Variants in CAMK2D observed in about 807,000 individuals in gnomAD.
CAMK2D encodes calcium/calmodulin-dependent protein kinase type II subunit delta.
Under a neutral mutation model 84.0 loss-of-function variants are expected in CAMK2D, and 37 were observed. The observed-to-expected ratio is 0.44, with a 90% CI of 0.34 to 0.58. The LOEUF (loss-of-function observed/expected upper bound fraction) is 0.58. CAMK2D is among the 20% of genes least tolerant of loss of function. The probability of loss-of-function intolerance (pLI) is 0.02; values close to 1 mark genes in which losing one functional copy is unlikely to be tolerated. For synonymous variants in CAMK2D, 202 were observed against 212.5 expected (o/e 0.95, Z 0.43); for missense variants, 448 against 652.5 (o/e 0.69, Z 3.41).
Position 113,512,924 on chromosome 4 carries a change from G to A in CAMK2D, c.946+404C>T, listed in dbSNP as rs140851439. 5.8e-3 allele frequency among the ~76,000 whole-genome samples: 878 copies of A among 152,224 alleles called. 4 individuals are homozygous for A. The highest frequency in any genetic ancestry group is 0.01 in the Middle Eastern group (3 of 294). ...ATACTAGGATTCCCTATGAAAATGA[G>A]ACCAAAAATAACTTATTCAAAGTTA... On this transcript the variant is annotated intron_variant, in intron 12 of 20. Transcript: ENST00000511664.
intron 7 of CAMK2D, among the ~76,000 whole-genome samples, chr4:113,533,067 T>C (rs1340122487): frequency 6.6e-6 from 1 of 152,102 alleles, no homozygotes; most frequent in African/African-American, 2.4e-5. Flanking sequence ...TGGCCAGAAG[T>C]ACGAAATGTT....
chr4:113,525,099 A>G (rs1304124877), intron 8 of CAMK2D, among the ~76,000 whole-genome samples: 1 of 152,234 alleles, frequency 6.6e-6, no homozygotes. Context: ...TAAACCCCAG[A>G]AAACACATCA....
At chr4:113,520,127 C>T (rs766328234) in intron 8 of CAMK2D, among the ~76,000 whole-genome samples, 7 of 94,782 alleles carry the variant, frequency 7.4e-5, no homozygotes, top group East Asian at 6.8e-4. Context: ...TGTTCTAGGC[C>T]GGGCGTGGTG....
intron 2 of CAMK2D, among the ~76,000 whole-genome samples, chr4:113,715,309 G>A (rs2099510074): frequency 6.6e-6 from 1 of 151,962 alleles, no homozygotes; most frequent in African/African-American, 2.4e-5. Context: ...TTAACAGTGA[G>A]CATTCTTCTC....
At chr4:113,672,816 T>A (rs894677487) in intron 2 of CAMK2D, among the ~76,000 whole-genome samples, 1 of 152,060 alleles carries the variant, frequency 6.6e-6, no homozygotes, top group Non-Finnish European at 1.5e-5. Context: ...TGCAGCCACC[T>A]AAATGAAAAA....
At chr4:113,576,884 G>A (rs1459641667) in intron 4 of CAMK2D, among the ~76,000 whole-genome samples, 2 of 151,832 alleles carry the variant, frequency 1.3e-5, no homozygotes, top group Non-Finnish European at 2.9e-5. Context: ...CCCTATTTTT[G>A]TTAATTATAA....
intron 1 of CAMK2D, among the ~76,000 whole-genome samples, chr4:113,760,495 T>C (rs1303366795): frequency 6.6e-6 from 1 of 152,184 alleles, no homozygotes; most frequent in Non-Finnish European, 1.5e-5. Flanking sequence ...ATAGACTCTA[T>C]GCCAAGTTGA....
intron 20 of CAMK2D, among the ~76,000 whole-genome samples, 172 bp from the exon 21 acceptor site, chr4:113,454,687 C>G (rs2097284317): frequency 6.6e-6 from 1 of 151,994 alleles, no homozygotes; most frequent in Non-Finnish European, 1.5e-5. Flanking sequence ...AAGAAACATA[C>G]AATGTTACAC....
intron 2 of CAMK2D, among the ~76,000 whole-genome samples, chr4:113,662,244 T>TA (rs2154314507): frequency 6.6e-6 from 1 of 152,308 alleles, no homozygotes; most frequent in East Asian, 1.9e-4. Context: ...CCATTCTCCT[T>TA]ACAATTGTTG....
At chr4:113,670,396 T>C (rs1035544846) in intron 2 of CAMK2D, among the ~76,000 whole-genome samples, 3 of 152,214 alleles carry the variant, frequency 2.0e-5, no homozygotes, top group Non-Finnish European at 4.4e-5. Flanking sequence ...GTTATAAGGA[T>C]ATTAGTTGGT....
intron 4 of CAMK2D, among the ~76,000 whole-genome samples, chr4:113,603,335 T>C: frequency 6.7e-6 from 1 of 148,524 alleles, no homozygotes; most frequent in Non-Finnish European, 1.5e-5. Context: ...TAGCATTAGG[T>C]ATATCTCCTA....
intron 4 of CAMK2D, among the ~76,000 whole-genome samples, chr4:113,589,469 G>A (rs572955169): frequency 2.0e-5 from 3 of 152,222 alleles, no homozygotes; most frequent in East Asian, 1.9e-4. Flanking sequence ...TGGCTGGAGC[G>A]GAGTGAAATA....
intron 16 of CAMK2D, among the ~76,000 whole-genome samples, chr4:113,488,418 G>C (rs1006646081): frequency 6.6e-6 from 1 of 152,164 alleles, no homozygotes; most frequent in African/African-American, 2.4e-5. Flanking sequence ...TGGAAAATCA[G>C]ACCTTAGCGA....
intron 2 of CAMK2D, among the ~76,000 whole-genome samples, chr4:113,669,601 C>T (rs905294241): frequency 4.6e-5 from 7 of 152,166 alleles, no homozygotes; most frequent in African/African-American, 1.7e-4. Flanking sequence ...AGCGATCTCC[C>T]CTCAGTTTTC....
At chr4:113,456,454 A>G (rs2154100123) in intron 19 of CAMK2D, among the ~76,000 whole-genome samples, 1 of 152,282 alleles carries the variant, frequency 6.6e-6, no homozygotes, top group African/African-American at 2.4e-5. Flanking sequence ...ATGTTCTATC[A>G]TATTAAACTA....
intron 16 of CAMK2D, among the ~76,000 whole-genome samples, chr4:113,492,427 TC>T (rs1200042770): frequency 6.6e-6 from 1 of 152,220 alleles, no homozygotes; most frequent in African/African-American, 2.4e-5. Context: ...AGCAGGTTGT[TC>T]AGTTTCCATG....
chr4:113,753,800 C>CG (rs1447750192), intron 2 of CAMK2D: 1 of 529,494 alleles, frequency 1.9e-6, no homozygotes, highest in Non-Finnish European at 2.2e-6. Flanking sequence ...TGGGTGGGGG[C>CG]GGGGGTGGTA....
intron 3 of CAMK2D, among the ~76,000 whole-genome samples, chr4:113,647,680 G>A (rs1197124540): frequency 6.6e-6 from 1 of 152,148 alleles, no homozygotes; most frequent in Admixed American, 6.5e-5. Flanking sequence ...GAGTAGAGGG[G>A]GCAAAATCAT....
intron 8 of CAMK2D, among the ~76,000 whole-genome samples, chr4:113,522,736 GAAGC>G (rs1251503042): frequency 6.6e-6 from 1 of 152,152 alleles, no homozygotes; most frequent in African/African-American, 2.4e-5. Context: ...TTATTTTAGA[GAAGC>G]AAGAAACTGA....
Sources: gnomAD v4.1 joint callset for allele counts (sites outside exome capture counted in the v4.1 genomes callset) on GRCh38, gnomAD v4.1.1 for gene constraint, MANE v1.5 for transcripts, NCBI Gene and HGNC (gene_info 2026-07-23, HGNC 2026-07-21) for gene names.